MTSS1: variants seen among roughly 807,000 people sequenced by gnomAD.
MTSS1 encodes MTSS I-BAR domain containing 1, also known as protein MTSS 1.
Under a neutral mutation model 79.0 loss-of-function variants are expected in MTSS1, and 18 were observed. That is an observed-to-expected ratio of 0.23 (90% CI 0.16 to 0.34). The LOEUF is 0.34. Among genes scored for constraint, MTSS1 ranks in the 10% least tolerant of loss-of-function variants. MTSS1 has a pLI of 1.00. For missense variants in MTSS1, 815 were observed against 986.2 expected (o/e 0.83, Z 2.33); for synonymous variants, 341 against 368.6 (o/e 0.93, Z 0.86).
intron 3 of MTSS1, among the ~76,000 whole-genome samples, chr8:124,652,426 A>C (rs934527579): frequency 2.0e-5 from 3 of 151,538 alleles, no homozygotes; most frequent in African/African-American, 7.3e-5. Context: ...TCAGCCTCCC[A>C]AAGTGCTAGG....
chr8:124,674,592 C>A (rs780600342), intron 3 of MTSS1, among the ~76,000 whole-genome samples: 3 of 152,130 alleles, frequency 2.0e-5, no homozygotes, highest in Non-Finnish European at 4.4e-5. Context: ...GATCCGCCCC[C>A]CTCGGCCTCC....
At chr8:124,640,694 C>T (rs1428578930) in intron 3 of MTSS1, among the ~76,000 whole-genome samples, 1 of 152,140 alleles carries the variant, frequency 6.6e-6, no homozygotes, top group African/African-American at 2.4e-5. Flanking sequence ...CAGGTGCCCG[C>T]CCCCATGCCC....
At chr8:124,706,602 C>T (rs955285699) in intron 1 of MTSS1, among the ~76,000 whole-genome samples, 5 of 152,212 alleles carry the variant, frequency 3.3e-5, no homozygotes, top group Non-Finnish European at 7.3e-5. Flanking sequence ...AACAGCCGGG[C>T]AAGAATCGTG....
chr8:124,558,599 A>G lies in MTSS1; in HGVS notation c.1036-724T>C. On this transcript the variant is annotated intron_variant, in intron 10 of 13. Coordinates refer to ENST00000518547, the MANE Select transcript of MTSS1 (RefSeq NM_014751.6). ...ACCCTCTGTCCCCAAGAGGAGCCCC[A>G]CTCTTGGTGTCGATTCTGAGCTTCC... The G allele has an allele frequency of 1.6e-5, 21 of 1,350,506 alleles. No homozygotes were observed. In the South Asian group the frequency reaches 3.3e-4, roughly 21 times the overall value. The allele number at this position is 1,350,506 out of a possible 1,614,324, so 83.7% of individuals were successfully genotyped here. A position where few individuals can be genotyped will look rare whatever the true frequency, so the allele number is the denominator to read the frequency against.
chr8:124,723,549 G>C (rs1479975289), intron 1 of MTSS1, among the ~76,000 whole-genome samples: 1 of 152,126 alleles, frequency 6.6e-6, no homozygotes, highest in Non-Finnish European at 1.5e-5. Context: ...ACTCAAACCA[G>C]TATAGAAACG....
intron 6 of MTSS1, chr8:124,580,315 G>T: frequency 2.0e-6 from 1 of 498,140 alleles, no homozygotes; most frequent in Non-Finnish European, 3.6e-6. Context: ...ATGATTCAAA[G>T]GCTCTCAGAG....
intron 10 of MTSS1, 28 bp from the exon 11 acceptor site, chr8:124,557,903 G>GA (rs757446009): frequency 2.3e-4 from 338 of 1,489,278 alleles, no homozygotes; most frequent in Admixed American, 4.1e-4. Flanking sequence ...AAGGGGGGGG[G>GA]AAGGAAAAAA....
intron 3 of MTSS1, among the ~76,000 whole-genome samples, chr8:124,604,084 G>C (rs1004719276): frequency 7.9e-5 from 12 of 152,256 alleles, no homozygotes; most frequent in African/African-American, 2.9e-4. Context: ...GTGGAGGCAG[G>C]CGCCTGTAAT....
rs550824519 is a variant in MTSS1 at position 124,670,204 on chromosome 8, A to G, written c.208+29322T>C. ...GGTATTTTTGCTGGGCGGTCAGAAA[A>G]GGCCCTCCTGAGGTTATATTTGAGC... On this transcript the variant is annotated intron_variant, in intron 3 of 13. Transcript: ENST00000518547. 9.8e-5 allele frequency among the ~76,000 whole-genome samples: 15 copies of G among 152,312 alleles called. 1 individual carries two copies. The East Asian group carries it at 2.9e-3, about 29-fold the overall frequency.
At chr8:124,693,448 G>A (rs553603361) in intron 3 of MTSS1, among the ~76,000 whole-genome samples, 1 of 152,200 alleles carries the variant, frequency 6.6e-6, no homozygotes, top group African/African-American at 2.4e-5. Flanking sequence ...CTTCTTGAGT[G>A]ACTGTGATGC....
intron 3 of MTSS1, among the ~76,000 whole-genome samples, chr8:124,662,397 TA>T (rs372173973): frequency 6.6e-6 from 1 of 151,880 alleles, no homozygotes; most frequent in Admixed American, 6.6e-5. Flanking sequence ...TACTTCTGAA[TA>T]AAAAAAATAC....
rs182494865 is a variant in MTSS1, at chr8:124,674,451, T to A, written c.208+25075A>T. On this transcript the variant is annotated intron_variant, in intron 3 of 13. Transcript: ENST00000518547. ...TTGGTCCGCCTCCTGGTGCAAGCAATTCTCCTGTCTCAGCCTCCCAAGTAC... is the reference window on the plus strand; with the variant it reads ...TTGGTCCGCCTCCTGGTGCAAGCAAATCTCCTGTCTCAGCCTCCCAAGTAC... Among the ~76,000 whole-genome samples the A allele has an allele frequency of 4.5e-4, 68 of 152,328 alleles. No homozygotes were observed. In the East Asian group the frequency reaches 9.6e-3, roughly 22 times the overall value.
At chr8:124,581,862 G>A (rs1429171454) in intron 6 of MTSS1, among the ~76,000 whole-genome samples, 1 of 152,140 alleles carries the variant, frequency 6.6e-6, no homozygotes, top group Non-Finnish European at 1.5e-5. Flanking sequence ...AATGTAAAAC[G>A]CCTCTCATTT....
intron 1 of MTSS1, among the ~76,000 whole-genome samples, chr8:124,724,496 A>G (rs1238742708): frequency 6.6e-6 from 1 of 152,166 alleles, no homozygotes; most frequent in East Asian, 1.9e-4. Context: ...CCTCGTACAA[A>G]GTTCTCCCCG....
chr8:124,703,983 A>C, intron 2 of MTSS1, 147 bp downstream of exon 2: 1 of 667,560 alleles, frequency 1.5e-6, no homozygotes. Context: ...GCTATAGGTG[A>C]TCATGCTCCA....
At chr8:124,636,904 G>A (rs556233801) in intron 3 of MTSS1, among the ~76,000 whole-genome samples, 3 of 152,192 alleles carry the variant, frequency 2.0e-5, no homozygotes, top group African/African-American at 7.2e-5. Context: ...TGACTCTGCC[G>A]AAATTATCCT....
rs147524667 is a variant in MTSS1 at position 124,610,836 on chromosome 8, A to G, written c.209-19601T>C. ...GGCAATGCCTGCCATGAGCTCAAGG[A>G]GCCCAAACGAAACAAAAAAATGCCT... On this transcript the variant is annotated intron_variant, in intron 3 of 13. Coordinates refer to ENST00000518547, the MANE Select transcript of MTSS1 (RefSeq NM_014751.6). Among the ~76,000 whole-genome samples the G allele has an allele frequency of 6.0e-3, 921 of 152,276 alleles. 10 individuals carry two copies. The highest frequency in any genetic ancestry group is 0.021 in the African/African-American group (882 of 41,558).
chr8:124,614,225 C>T (rs1836419894), intron 3 of MTSS1, among the ~76,000 whole-genome samples: 2 of 151,170 alleles, frequency 1.3e-5, no homozygotes, highest in Non-Finnish European at 2.9e-5. Flanking sequence ...AGACATGGGT[C>T]CCGCCCCACA....
chr8:124,716,870 GTAATGGGTT>G, intron 1 of MTSS1, among the ~76,000 whole-genome samples: 1 of 151,902 alleles, frequency 6.6e-6, no homozygotes, highest in African/African-American at 2.4e-5. Context: ...TAGGCTTTGG[GTAATGGGTT>G]TCAAAAGCCT....
Sources: allele counts gnomAD v4.1 joint callset (sites outside exome capture counted in the v4.1 genomes callset), GRCh38; gene constraint gnomAD v4.1.1; transcripts MANE v1.5; gene names NCBI Gene and HGNC (gene_info 2026-07-23, HGNC 2026-07-21).